MACROD2: variants seen among roughly 807,000 people sequenced by gnomAD.
MACROD2 encodes the protein mono-ADP ribosylhydrolase 2, also known as ADP-ribose glycohydrolase MACROD2.
Under a neutral mutation model 70.4 loss-of-function variants are expected in MACROD2, and 36 were observed. The ratio of observed to expected loss-of-function variants is 0.51; its 90% CI spans 0.39 to 0.68. The LOEUF (loss-of-function observed/expected upper bound fraction) is 0.68, where lower values mean the gene tolerates loss of function less well. Among genes scored for constraint, MACROD2 ranks in the 30% least tolerant of loss-of-function variants. The pLI, the probability that MACROD2 is intolerant of heterozygous loss-of-function variation, is 0.00. For missense variants in MACROD2, 496 were observed against 538.4 expected, an observed-to-expected ratio of 0.92 and a Z score of 0.78; for synonymous variants, 172 against 178.8, an observed-to-expected ratio of 0.96 and a Z score of 0.30.
intron 3 of MACROD2, among the ~76,000 whole-genome samples, chr20:14,196,035 A>G (rs2081429046): frequency 6.6e-6 from 1 of 152,012 alleles, no homozygotes; most frequent in Non-Finnish European, 1.5e-5. Context: ...AGCTGTAAAC[A>G]TTCACCCCTA....
chr20:14,200,897 T>G (rs1248456584), intron 3 of MACROD2, among the ~76,000 whole-genome samples: 1 of 152,112 alleles, frequency 6.6e-6, no homozygotes, highest in Non-Finnish European at 1.5e-5. Flanking sequence ...TTTGTATCTT[T>G]GTATAAGTCC....
chr20:14,221,267 C>G (rs575011440), intron 3 of MACROD2, among the ~76,000 whole-genome samples: 2 of 152,272 alleles, frequency 1.3e-5, no homozygotes, highest in South Asian at 4.1e-4. Context: ...TCTAATCCCA[C>G]TCTGCCATGT....
intron 6 of MACROD2, among the ~76,000 whole-genome samples, chr20:15,243,197 TG>T (rs1247467217): frequency 2.0e-5 from 3 of 152,134 alleles, no homozygotes; most frequent in Admixed American, 6.5e-5. Context: ...CCCTTGAAGC[TG>T]GGGCACTGTC....
chr20:14,274,190 C>A (rs1336078340), intron 3 of MACROD2, among the ~76,000 whole-genome samples: 5 of 151,910 alleles, frequency 3.3e-5, no homozygotes, highest in South Asian at 2.1e-4. Context: ...GAGACATAGC[C>A]AAAAAAGAGA....
intron 3 of MACROD2, among the ~76,000 whole-genome samples, chr20:14,241,214 T>A (rs1397959073): frequency 6.6e-6 from 1 of 152,250 alleles, no homozygotes; most frequent in Non-Finnish European, 1.5e-5. Context: ...AATAGGTATG[T>A]GATGCATATT....
At chr20:15,496,641 G>C (rs2145013) in intron 7 of MACROD2, among the ~76,000 whole-genome samples, 1 of 152,034 alleles carries the variant, frequency 6.6e-6, no homozygotes, top group South Asian at 2.1e-4. Context: ...ATTTTATGAT[G>C]TAAGTACTTA....
At chr20:14,080,686 AT>A (rs35890693) in intron 2 of MACROD2, among the ~76,000 whole-genome samples, 4 of 150,238 alleles carry the variant, frequency 2.7e-5, no homozygotes, top group African/African-American at 4.9e-5. Flanking sequence ...AGTCCTGTTC[AT>A]TTTTTTTTTA....
rs544652070 is a variant in MACROD2 at position 14,295,166 on chromosome 20, A to T, written c.272-198313A>T. ...TTTGTGTGTGCACGTGTGTGTTTTT[A>T]CTATCACAATACCATTTAAATTCAG... On this transcript the variant is annotated intron_variant, in intron 3 of 17. Transcript: ENST00000684519. 1.6e-4 allele frequency among the ~76,000 whole-genome samples: 24 copies of T among 152,024 alleles called. 1 individual carries two copies. The highest frequency in any genetic ancestry group is 5.8e-4 in the African/African-American group (24 of 41,348).
At chr20:14,110,211 G>A (rs1159907439) in intron 3 of MACROD2, among the ~76,000 whole-genome samples, 1 of 151,824 alleles carries the variant, frequency 6.6e-6, no homozygotes, top group Admixed American at 6.6e-5. Context: ...AAAAAACTCG[G>A]TATAGAAGGA....
chr20:15,104,714 A>G (rs1002294958), intron 5 of MACROD2, among the ~76,000 whole-genome samples: 2 of 152,022 alleles, frequency 1.3e-5, no homozygotes, highest in African/African-American at 4.8e-5. Flanking sequence ...TTTTCCTGCT[A>G]TTACGCTCTA....
At chr20:14,904,505 T>A (rs1193366589) in intron 5 of MACROD2, among the ~76,000 whole-genome samples, 2 of 152,156 alleles carry the variant, frequency 1.3e-5, no homozygotes, top group African/African-American at 2.4e-5. Context: ...TACATTAGTG[T>A]GTATACATGT....
chr20:15,743,301 A>T (rs1265851805), intron 8 of MACROD2, among the ~76,000 whole-genome samples: 1 of 152,184 alleles, frequency 6.6e-6, no homozygotes, highest in Non-Finnish European at 1.5e-5. Flanking sequence ...GCTATCCCTC[A>T]TCTATCACTT....
At chr20:15,312,649 T>C (rs1227933423) in intron 6 of MACROD2, among the ~76,000 whole-genome samples, 1 of 152,238 alleles carries the variant, frequency 6.6e-6, no homozygotes, top group Non-Finnish European at 1.5e-5. Flanking sequence ...TTTTCATTTA[T>C]GCTTATGTTT....
chr20:16,019,932 C>T (rs2066979611), intron 15 of MACROD2, among the ~76,000 whole-genome samples: 1 of 152,182 alleles, frequency 6.6e-6, no homozygotes, highest in Non-Finnish European at 1.5e-5. Flanking sequence ...GGTTGCTGCT[C>T]AGTCCTGAAG....
rs193009673 is a variant in MACROD2 at position 15,876,778 on chromosome 20, G to T, written c.728-8986G>T. On this transcript the variant is annotated intron_variant, in intron 9 of 17. Coordinates refer to ENST00000684519, the MANE Select transcript of MACROD2 (RefSeq NM_001351661.2). ...CTCCACGTCGTCTCCAGCACCTGTT[G>T]TTTCCTGACTTTTTAATGATCACCA... Among the ~76,000 whole-genome samples, 1,008 of 152,214 alleles carry T rather than the reference G, an allele frequency of 6.6e-3. 14 individuals carry two copies. The highest frequency in any genetic ancestry group is 0.023 in the African/African-American group (938 of 41,538).
intron 15 of MACROD2, among the ~76,000 whole-genome samples, chr20:16,001,567 G>A (rs2066709907): frequency 6.6e-6 from 1 of 152,124 alleles, no homozygotes; most frequent in South Asian, 2.1e-4. Context: ...ATTTTTCAGA[G>A]ATGTTGTCAT....
chr20:15,450,560 G>T (rs143474747), intron 7 of MACROD2, among the ~76,000 whole-genome samples: 2 of 152,226 alleles, frequency 1.3e-5, no homozygotes, highest in East Asian at 3.9e-4. Flanking sequence ...GTGTATGAAT[G>T]TGAGAGAATG....
intron 12 of MACROD2, among the ~76,000 whole-genome samples, chr20:15,962,099 T>C (rs7352227): frequency 0.95 from 144,720 of 152,308 alleles, 69,066 homozygotes; most frequent in East Asian, 1. Context: ...GATTCTTTGT[T>C]GAGTCGCTGA....
At chr20:15,163,668 G>T (rs76266205) in intron 5 of MACROD2, among the ~76,000 whole-genome samples, 21,203 of 151,844 alleles carry the variant, frequency 0.14, 2,018 homozygotes, top group Non-Finnish European at 0.21. Flanking sequence ...TGTCCTGTTT[G>T]AGTATGACCC....
Sources: allele counts gnomAD v4.1 joint callset (sites outside exome capture counted in the v4.1 genomes callset), GRCh38; gene constraint gnomAD v4.1.1; transcripts MANE v1.5; gene names NCBI Gene and HGNC (gene_info 2026-07-23, HGNC 2026-07-21).